Variants in ASPRV1 observed in about 807,000 individuals in gnomAD.
ASPRV1 encodes aspartic peptidase retroviral like 1.
ASPRV1 carries 7 observed loss-of-function variants against 11.0 expected under a neutral mutation model. The ratio of observed to expected loss-of-function variants is 0.64; its 90% CI spans 0.36 to 1.20. The LOEUF (loss-of-function observed/expected upper bound fraction) is 1.20. Ranked by LOEUF, ASPRV1 falls within the 50% of genes most tolerant of loss-of-function variation. The probability of loss-of-function intolerance (pLI) is 0.02; values close to 1 mark genes in which losing one functional copy is unlikely to be tolerated. For synonymous variants in ASPRV1, 136 were observed against 138.4 expected (o/e 0.98, Z 0.12); for missense variants, 299 against 320.0 (o/e 0.93, Z 0.50).
At chr2:70,049,611 C>A in the ASPRV1 span, 1 of 152,144 alleles carries the variant, frequency 6.6e-6, no homozygotes, top group Non-Finnish European at 1.5e-5. Context: ...GTTTTTTGAA[C>A]AACATAGACT....
chr2:69,941,681 C>T, the ASPRV1 span: 1 of 152,150 alleles, frequency 6.6e-6, no homozygotes, highest in African/African-American at 2.4e-5. Context: ...TCTGCATCCC[C>T]AAAGCGGCCA....
the ASPRV1 span, chr2:70,064,105 GT>G: frequency 3.3e-5 from 5 of 152,216 alleles, no homozygotes; most frequent in Non-Finnish European, 7.3e-5. Flanking sequence ...ATGAGCAAGT[GT>G]TTTGTGTCAG....
At chr2:70,023,601 G>A in the ASPRV1 span, among the ~76,000 whole-genome samples, 33 of 151,404 alleles carry the variant, frequency 2.2e-4, no homozygotes, top group African/African-American at 7.8e-4. Context: ...TGAACCCCGG[G>A]AGGCAGAGGT....
At chr2:69,951,528 C>T in the ASPRV1 span, among the ~76,000 whole-genome samples, 1 of 147,210 alleles carries the variant, frequency 6.8e-6, no homozygotes, top group Non-Finnish European at 1.5e-5. Flanking sequence ...TACACACACA[C>T]TCATATCATA....
At chr2:69,980,626 AGTATCATAC>A in the ASPRV1 span, among the ~76,000 whole-genome samples, 1 of 152,238 alleles carries the variant, frequency 6.6e-6, no homozygotes, top group Admixed American at 6.5e-5. Flanking sequence ...TTTACTTAAC[AGTATCATAC>A]CAATGTTAGT....
chr2:70,059,256 CTTTT>C, the ASPRV1 span, among the ~76,000 whole-genome samples: 5 of 112,210 alleles, frequency 4.5e-5, no homozygotes, highest in East Asian at 1.0e-3. Flanking sequence ...GATTGGTTTT[CTTTT>C]TTTTTTTTTT....
At chr2:69,964,292 G>A (rs546695248), upstream of ASPRV1, 5 of 445,282 alleles carry the variant, frequency 1.1e-5, no homozygotes, top group East Asian at 3.6e-4. Context: ...GAGGCAGATG[G>A]CCCTTCGGGC....
At chr2:70,004,541 A>AC in the ASPRV1 span, among the ~76,000 whole-genome samples, 9 of 151,746 alleles carry the variant, frequency 5.9e-5, no homozygotes, top group African/African-American at 2.2e-4. Flanking sequence ...AAAAAAAAAA[A>AC]AAAAAAAAAA....
At chr2:70,081,517 C>G in the ASPRV1 span, 1 of 151,698 alleles carries the variant, frequency 6.6e-6, no homozygotes, top group Admixed American at 6.6e-5. Context: ...AATTTTTCAA[C>G]AGATATATTT....
the ASPRV1 span, among the ~76,000 whole-genome samples, chr2:70,064,832 A>C: frequency 1.3e-5 from 2 of 152,124 alleles, no homozygotes; most frequent in East Asian, 3.9e-4. Context: ...AGTGGCTCAC[A>C]CCTGTAATCC....
the ASPRV1 span, among the ~76,000 whole-genome samples, chr2:70,054,391 C>T: frequency 6.6e-5 from 10 of 151,136 alleles, no homozygotes; most frequent in Non-Finnish European, 1.3e-4. Flanking sequence ...ATCAAGACCA[C>T]GGTGAAACCC....
the ASPRV1 span, among the ~76,000 whole-genome samples, chr2:69,967,014 C>G: frequency 6.6e-6 from 1 of 152,184 alleles, no homozygotes; most frequent in African/African-American, 2.4e-5. Context: ...GCGCACCATC[C>G]ACACACATGT....
At chr2:70,006,666 G>A in the ASPRV1 span, among the ~76,000 whole-genome samples, 1 of 152,164 alleles carries the variant, frequency 6.6e-6, no homozygotes, top group Non-Finnish European at 1.5e-5. Flanking sequence ...TTACTTCATA[G>A]AGCCTCAGGG....
the ASPRV1 span, among the ~76,000 whole-genome samples, chr2:70,079,737 C>CAT: frequency 1.3e-5 from 2 of 152,222 alleles, no homozygotes; most frequent in African/African-American, 4.8e-5. Context: ...ACTGACTCTA[C>CAT]ATACATTTTC....
the ASPRV1 span, among the ~76,000 whole-genome samples, chr2:70,060,269 A>G: frequency 7.0e-6 from 1 of 143,742 alleles, no homozygotes; most frequent in Admixed American, 7.3e-5. Flanking sequence ...TGAACTCAGG[A>G]GGCAGAGGTT....
chr2:69,961,254 C>G lies in ASPRV1; in HGVS notation c.183G>C (p.Glu61Asp). The stretch of plus-strand genomic sequence containing the variant: ...TGAGCCTATTGTAGACACCCAGGGC[C>G]TCTCCTCTGAGGGACTCTTTCAGGA... The part of the protein sequence containing the change: ...LRFLKESLRG[E>D]ALGVYNRLSP... Residue 61 changes from glutamate to aspartate, a missense_variant, in exon 1 of 1, where the codon GAG becomes GAC. Glu to Asp is a conservative substitution (Grantham distance 45). Transcript: ENST00000320256. 2 of 1,614,124 alleles carry G rather than the reference C, an allele frequency of 1.2e-6. No individual in the cohort carries two copies. Among genetic ancestry groups the G allele is most frequent in the Non-Finnish European group, 1.7e-6 (2 of 1,180,006 alleles).
chr2:70,036,725 T>G, the ASPRV1 span, among the ~76,000 whole-genome samples: 1 of 152,192 alleles, frequency 6.6e-6, no homozygotes, highest in African/African-American at 2.4e-5. Context: ...TGGAGTGCAG[T>G]GGCACGATCA....
At chr2:70,006,204 G>T in the ASPRV1 span, among the ~76,000 whole-genome samples, 577 of 152,262 alleles carry the variant, frequency 3.8e-3, 3 homozygotes, top group African/African-American at 0.013. Flanking sequence ...GGGGCTGGGG[G>T]GTAAAACTGT....
chr2:70,068,806 G>C, the ASPRV1 span, among the ~76,000 whole-genome samples: 1 of 151,622 alleles, frequency 6.6e-6, no homozygotes, highest in Non-Finnish European at 1.5e-5. Context: ...TTAGCCAGTC[G>C]TGGTGGCACA....
Sources: gnomAD v4.1 joint callset for allele counts (sites outside exome capture counted in the v4.1 genomes callset) on GRCh38, gnomAD v4.1.1 for gene constraint, MANE v1.5 for transcripts, NCBI Gene and HGNC (gene_info 2026-07-23, HGNC 2026-07-21) for gene names.